Variants in FAAH2 observed in about 807,000 individuals in gnomAD.
FAAH2 encodes fatty acid amide hydrolase 2.
FAAH2 carries 60 observed loss-of-function variants against 36.9 expected under a neutral mutation model. The ratio of observed to expected loss-of-function variants is 1.63; its 90% CI spans 1.32 to 2.02. The LOEUF is 2.02. Ranked by LOEUF, FAAH2 falls within the 30% of genes most tolerant of loss-of-function variation. The probability of loss-of-function intolerance (pLI) is 0.00; values close to 1 mark genes in which losing one functional copy is unlikely to be tolerated. For synonymous variants in FAAH2, 214 were observed against 143.8 expected, an observed-to-expected ratio of 1.49 and a Z score of -3.49; for missense variants, 689 against 397.5, an observed-to-expected ratio of 1.73 and a Z score of -6.23.
At chrX:57,221,793 C>A in the FAAH2 span, among the ~76,000 whole-genome samples, 1 of 110,311 alleles carries the variant, frequency 9.1e-6, no homozygotes, top group African/African-American at 3.3e-5. Flanking sequence ...GTGGAATACC[C>A]CCGACACCCA....
chrX:57,322,188 G>A (rs760562793), intron 3 of FAAH2, among the ~76,000 whole-genome samples: 2 of 111,715 alleles, frequency 1.8e-5, no homozygotes, highest in African/African-American at 6.5e-5. Flanking sequence ...ATTTTTAGTA[G>A]AGACGGGGTT....
the FAAH2 span, among the ~76,000 whole-genome samples, chrX:57,257,832 T>A: frequency 9.0e-6 from 1 of 111,125 alleles, no homozygotes; most frequent in Non-Finnish European, 1.9e-5. Flanking sequence ...AAAAAAGAAA[T>A]AATTGAAAAT....
chrX:57,463,702 G>A (rs1389326702), intron 10 of FAAH2, among the ~76,000 whole-genome samples: 1 of 111,760 alleles, frequency 8.9e-6, no homozygotes, highest in Non-Finnish European at 1.9e-5. Flanking sequence ...ACCACAATGA[G>A]ATACCATCTC....
chrX:57,163,922 T>G, the FAAH2 span, among the ~76,000 whole-genome samples: 1 of 112,269 alleles, frequency 8.9e-6, no homozygotes, highest in African/African-American at 3.2e-5. Flanking sequence ...ATGGTCAAAT[T>G]AACAAATGGA....
Position 57,483,216 on chromosome X carries a change from T to G in FAAH2, c.1424-5541T>G, listed in dbSNP as rs181570766. Reference sequence around the variant, plus strand: ...GACTTTGTTCCATTTTTTAAAATTATTTTTTTCTTTATTTTTGTCTGACCA... The same window carrying G: ...GACTTTGTTCCATTTTTTAAAATTAGTTTTTTCTTTATTTTTGTCTGACCA... On this transcript the variant is annotated intron_variant, in intron 10 of 10. Coordinates refer to ENST00000374900, the MANE Select transcript of FAAH2 (RefSeq NM_174912.4). Among the ~76,000 whole-genome samples, 477 of 111,595 alleles carry G rather than the reference T, an allele frequency of 4.3e-3. 1 individual carries two copies. Among genetic ancestry groups the G allele is most frequent in the African/African-American group, 0.014 (438 of 30,826 alleles).
chrX:57,266,775 C>T, the FAAH2 span, among the ~76,000 whole-genome samples: 1 of 112,071 alleles, frequency 8.9e-6, no homozygotes, highest in Non-Finnish European at 1.9e-5. Context: ...GATGGAGGCT[C>T]CAGGAGACAA....
At chrX:57,376,728 A>G (rs1373844098) in intron 5 of FAAH2, among the ~76,000 whole-genome samples, 4 of 111,923 alleles carry the variant, frequency 3.6e-5, no homozygotes, top group Non-Finnish European at 7.5e-5. Context: ...AGGAATCACC[A>G]CACTGTCTTC....
At chrX:57,149,069 T>A in the FAAH2 span, among the ~76,000 whole-genome samples, 1 of 111,830 alleles carries the variant, frequency 8.9e-6, no homozygotes, top group South Asian at 3.8e-4. Flanking sequence ...ATTTATTAAT[T>A]TGCGTATGTT....
At chrX:57,424,713 T>C (rs2056118595) in intron 7 of FAAH2, among the ~76,000 whole-genome samples, 1 of 111,926 alleles carries the variant, frequency 8.9e-6, no homozygotes, top group Non-Finnish European at 1.9e-5. Flanking sequence ...TAGTCATATC[T>C]CCAAAGGGAA....
chrX:57,286,980 C>A lies in FAAH2; in HGVS notation c.155C>A (p.Ser52Ter), dbSNP rs1265104807. The change falls in exon 1 of 11, where the codon TCG (serine) becomes TAG (stop). Residue 52 changes from serine (S) to a stop codon, truncating the protein, a stop_gained. Coordinates refer to ENST00000374900, the MANE Select transcript of FAAH2 (RefSeq NM_174912.4). LOFTEE classifies it high-confidence loss of function. ...GTGACTGAACCATTGCTTCTGCTTT[C>A]GGGGATGCAGCTGGCCAAGCTGATC... ...RPVTEPLLLL[S>*]GMQLAKLIRQ... 2 of 1,197,867 alleles carry A rather than the reference C, an allele frequency of 1.7e-6. No homozygotes were observed. The highest frequency in any genetic ancestry group is 3.5e-5 in the African/African-American group (2 of 56,403).
At chrX:57,279,219 T>C in the FAAH2 span, among the ~76,000 whole-genome samples, 6 of 112,443 alleles carry the variant, frequency 5.3e-5, no homozygotes, top group Non-Finnish European at 9.4e-5. Flanking sequence ...TCATCAATGA[T>C]AGACTGGATT....
At chrX:57,391,032 G>A (rs1321262288) in intron 7 of FAAH2, among the ~76,000 whole-genome samples, 1 of 111,307 alleles carries the variant, frequency 9.0e-6, no homozygotes, top group Non-Finnish European at 1.9e-5. Context: ...GGTGTAAGAT[G>A]GTATCTCATT....
In FAAH2 at chrX:57,450,141, C is replaced by G. The variant is rs145205565; in HGVS notation, c.1423+1423C>G. ...AGGATTTTCCTCAGCTTGAGGCTTCCTATGGTTTGTAACTTTTCCCTCTAG... is the reference window on the plus strand; with the variant it reads ...AGGATTTTCCTCAGCTTGAGGCTTCGTATGGTTTGTAACTTTTCCCTCTAG... On this transcript the variant is annotated intron_variant, in intron 10 of 10. Transcript: ENST00000374900. Among the ~76,000 whole-genome samples the G allele has an allele frequency of 1.2e-4, 13 of 110,915 alleles. No individual in the cohort carries two copies. In the East Asian group the frequency reaches 3.1e-3, roughly 27 times the overall value.
chrX:57,470,997 C>A (rs2057154534), intron 10 of FAAH2, among the ~76,000 whole-genome samples: 1 of 112,012 alleles, frequency 8.9e-6, no homozygotes, highest in Non-Finnish European at 1.9e-5. Flanking sequence ...ACAAAAAACA[C>A]ATGATTTTCT....
intron 5 of FAAH2, among the ~76,000 whole-genome samples, chrX:57,363,488 G>A (rs1264685837): frequency 9.0e-6 from 1 of 111,411 alleles, no homozygotes; most frequent in African/African-American, 3.3e-5. Context: ...GACTTTCTAT[G>A]TATAAGACTA....
chrX:57,239,106 A>T, the FAAH2 span, among the ~76,000 whole-genome samples: 2 of 111,712 alleles, frequency 1.8e-5, no homozygotes, highest in Admixed American at 9.5e-5. Flanking sequence ...GGTTGATTCC[A>T]TGTCTTTGCT....
At chrX:57,353,850 C>T (rs1188689414) in intron 5 of FAAH2, among the ~76,000 whole-genome samples, 1 of 110,993 alleles carries the variant, frequency 9.0e-6, no homozygotes, top group Non-Finnish European at 1.9e-5. Flanking sequence ...ATGAAAAACG[C>T]TCAGTATCAC....
At chrX:57,174,390 G>A in the FAAH2 span, among the ~76,000 whole-genome samples, 1 of 111,096 alleles carries the variant, frequency 9.0e-6, no homozygotes, top group African/African-American at 3.3e-5. Context: ...GTTGTTCATG[G>A]TAGTGTCAAA....
chrX:57,144,421 T>A, the FAAH2 span, among the ~76,000 whole-genome samples: 1 of 109,936 alleles, frequency 9.1e-6, no homozygotes, highest in Non-Finnish European at 1.9e-5. Context: ...TCTCTCTACA[T>A]CCTCTGTAAA....
Sources: gnomAD v4.1 joint callset for allele counts (sites outside exome capture counted in the v4.1 genomes callset) on GRCh38, gnomAD v4.1.1 for gene constraint, MANE v1.5 for transcripts, NCBI Gene and HGNC (gene_info 2026-07-23, HGNC 2026-07-21) for gene names.